TULP4: variants seen among roughly 807,000 people sequenced by gnomAD.
TULP4 encodes the protein TUB like protein 4, also known as tubby-related protein 4.
TULP4 carries 16 observed loss-of-function variants against 129.0 expected under a neutral mutation model. The ratio of observed to expected loss-of-function variants is 0.12; its 90% CI spans 0.08 to 0.19. The LOEUF (loss-of-function observed/expected upper bound fraction) is 0.19. Among genes scored for constraint, TULP4 ranks in the 10% least tolerant of loss-of-function variants. The probability of loss-of-function intolerance (pLI) is 1.00; values close to 1 mark genes in which losing one functional copy is unlikely to be tolerated. For synonymous variants in TULP4, 998 were observed against 854.0 expected (o/e 1.17, Z -2.94); for missense variants, 1,842 against 2,059.1 (o/e 0.89, Z 2.04).
chr6:158,299,336 G>A (rs762705054), intron 1 of TULP4, among the ~76,000 whole-genome samples: 3 of 152,038 alleles, frequency 2.0e-5, no homozygotes, highest in Non-Finnish European at 1.5e-5. Context: ...AACCATATGA[G>A]TCATTTTTTT....
intron 1 of TULP4, among the ~76,000 whole-genome samples, chr6:158,323,341 C>G (rs1779678397): frequency 6.6e-6 from 1 of 152,176 alleles, no homozygotes; most frequent in Admixed American, 6.5e-5. Flanking sequence ...TATGCAGGTG[C>G]TCAGATATGA....
At chr6:158,414,835 C>T (rs1020169300) in intron 2 of TULP4, among the ~76,000 whole-genome samples, 27 of 152,070 alleles carry the variant, frequency 1.8e-4, no homozygotes, top group Non-Finnish European at 1.5e-4. Flanking sequence ...TTTTTTCATG[C>T]GTTATATCTT....
chr6:158,429,944 G>A (rs1354112345), intron 3 of TULP4, 47 bp downstream of exon 3: 7 of 1,559,766 alleles, frequency 4.5e-6, no homozygotes, highest in East Asian at 4.7e-5. Flanking sequence ...AAACCATGAG[G>A]GCTGGGAGGG....
intron 2 of TULP4, among the ~76,000 whole-genome samples, chr6:158,420,664 A>G (rs371725510): frequency 5.4e-4 from 72 of 134,022 alleles, no homozygotes; most frequent in African/African-American, 1.8e-3. Flanking sequence ...GTTTTTTTTT[A>G]GTAGAGACGA....
At chr6:158,442,457 G>A (rs117450503) in intron 3 of TULP4, among the ~76,000 whole-genome samples, 3,172 of 151,920 alleles carry the variant, frequency 0.021, 51 homozygotes, top group Middle Eastern at 0.034. Context: ...AGGATAGGAT[G>A]TTCCCCCAAC....
intron 1 of TULP4, among the ~76,000 whole-genome samples, chr6:158,355,315 G>A (rs764012347): frequency 1.1e-4 from 16 of 152,092 alleles, no homozygotes; most frequent in Admixed American, 5.2e-4. Flanking sequence ...TGAACTCCTA[G>A]CCTTAAGTGA....
intron 1 of TULP4, among the ~76,000 whole-genome samples, chr6:158,377,167 A>G (rs1777210369): frequency 6.6e-6 from 1 of 152,210 alleles, no homozygotes; most frequent in Admixed American, 6.5e-5. Context: ...AGAGCAGTCC[A>G]TGTGCTTATG....
At position 158,501,888 on chromosome 6, in the gene TULP4, C is replaced by A; in HGVS notation, c.2225C>A (p.Thr742Asn). 6.2e-7 allele frequency: 1 copy of A among 1,614,124 alleles called. No individual in the cohort carries two copies. Among genetic ancestry groups the A allele is most frequent in the Non-Finnish European group, 8.5e-7 (1 of 1,180,006 alleles). Residue 742 changes from threonine (T) to asparagine (N), a missense_variant, in exon 13 of 14, where the codon ACC (threonine) becomes AAC (asparagine). Coordinates refer to ENST00000367097, the MANE Select transcript of TULP4 (RefSeq NM_020245.5). ...GCAGAACATGCAGGTGACAGTGCCACCCAGTACCCAGTCTCCAACCGGTAC... is the reference window on the plus strand; with the variant it reads ...GCAGAACATGCAGGTGACAGTGCCAACCAGTACCCAGTCTCCAACCGGTAC... ...GTAEHAGDSA[T>N]QYPVSNRYSN...
chr6:158,303,624 C>T (rs1779165218), intron 1 of TULP4, among the ~76,000 whole-genome samples: 1 of 152,174 alleles, frequency 6.6e-6, no homozygotes, highest in African/African-American at 2.4e-5. Context: ...CTGTTGTTTT[C>T]AGTTTGGAGC....
chr6:158,302,428 C>G (rs146847393), intron 1 of TULP4, among the ~76,000 whole-genome samples: 3,628 of 152,308 alleles, frequency 0.024, 63 homozygotes, highest in Non-Finnish European at 0.036. Context: ...TTAATTACAG[C>G]ATTAATGGCC....
chr6:158,240,871 G>A (rs1185361798), intron 1 of TULP4, among the ~76,000 whole-genome samples: 1 of 150,882 alleles, frequency 6.6e-6, no homozygotes, highest in South Asian at 2.1e-4. Flanking sequence ...CCTCCCGGAC[G>A]GGGTGGCTGC....
intron 1 of TULP4, among the ~76,000 whole-genome samples, chr6:158,355,483 G>A (rs1780624283): frequency 1.3e-5 from 2 of 152,248 alleles, no homozygotes; most frequent in Non-Finnish European, 2.9e-5. Context: ...AGTGGATGGA[G>A]CCCTGAGTAC....
chr6:158,422,064 A>G (rs984869108), intron 2 of TULP4, among the ~76,000 whole-genome samples: 1 of 152,234 alleles, frequency 6.6e-6, no homozygotes, highest in Non-Finnish European at 1.5e-5. Flanking sequence ...ATTTATCTTA[A>G]AATATTATTA....
intron 6 of TULP4, among the ~76,000 whole-genome samples, chr6:158,463,511 G>A (rs184680995): frequency 1.3e-5 from 2 of 152,034 alleles, no homozygotes; most frequent in African/African-American, 2.4e-5. Flanking sequence ...TGGGGGTAGC[G>A]GGGAGGGATA....
At chr6:158,439,700 CTTTTTTTTTT>C (rs71030170) in intron 3 of TULP4, among the ~76,000 whole-genome samples, 64 of 68,246 alleles carry the variant, frequency 9.4e-4, no homozygotes, top group East Asian at 4.5e-3. Flanking sequence ...ACTAGAGTTT[CTTTTTTTTTT>C]TTTTTTTTTT....
intron 1 of TULP4, among the ~76,000 whole-genome samples, chr6:158,302,438 C>T (rs759498268): frequency 6.6e-6 from 1 of 152,126 alleles, no homozygotes; most frequent in Non-Finnish European, 1.5e-5. Context: ...CATTAATGGC[C>T]CTTAAATCAG....
chr6:158,305,195 T>C (rs561299610), intron 1 of TULP4, among the ~76,000 whole-genome samples: 1 of 152,054 alleles, frequency 6.6e-6, no homozygotes, highest in Admixed American at 6.6e-5. Context: ...ATCACTGGAG[T>C]CATAAGGTAT....
At chr6:158,275,242 C>T (rs1430170958) in intron 1 of TULP4, among the ~76,000 whole-genome samples, 1 of 152,158 alleles carries the variant, frequency 6.6e-6, no homozygotes. Flanking sequence ...TGTTGCTTTC[C>T]TCTTAGTCCT....
intron 1 of TULP4, among the ~76,000 whole-genome samples, chr6:158,249,391 C>T (rs963836288): frequency 7.3e-5 from 11 of 150,616 alleles, no homozygotes; most frequent in Middle Eastern, 3.4e-3. Flanking sequence ...TTTTGCTTAT[C>T]TTATTCCATT....
Sources: allele counts gnomAD v4.1 joint callset (sites outside exome capture counted in the v4.1 genomes callset), GRCh38; gene constraint gnomAD v4.1.1; transcripts MANE v1.5; gene names NCBI Gene and HGNC (gene_info 2026-07-23, HGNC 2026-07-21).